ESR1: variants seen among roughly 807,000 people sequenced by gnomAD.
ESR1 encodes the protein estrogen receptor 1, also known as estrogen receptor.
In ESR1, 12 loss-of-function variants were observed where a neutral mutation model predicts 52.7. The ratio of observed to expected loss-of-function variants is 0.23; its 90% CI spans 0.15 to 0.37. The LOEUF (loss-of-function observed/expected upper bound fraction) is 0.37. ESR1 is among the 10% of genes least tolerant of loss of function. The probability of loss-of-function intolerance (pLI) is 1.00; values close to 1 mark genes in which losing one functional copy is unlikely to be tolerated. For synonymous variants in ESR1, 305 were observed against 316.8 expected (o/e 0.96, Z 0.39); for missense variants, 584 against 779.7 (o/e 0.75, Z 2.99).
chr6:152,040,247 G>A (rs2128893520), intron 5 of ESR1, among the ~76,000 whole-genome samples: 1 of 152,282 alleles, frequency 6.6e-6, no homozygotes, highest in East Asian at 1.9e-4. Context: ...CTGAGCCCGT[G>A]CGTAACCTCC....
chr6:151,886,997 C>A (rs1279174700), intron 3 of ESR1, among the ~76,000 whole-genome samples: 1 of 149,540 alleles, frequency 6.7e-6, no homozygotes, highest in Non-Finnish European at 1.5e-5. Context: ...GCCAAAATCA[C>A]ACCACTGCAC....
At chr6:151,872,306 TC>T (rs981144845) in intron 2 of ESR1, among the ~76,000 whole-genome samples, 6 of 152,186 alleles carry the variant, frequency 3.9e-5, no homozygotes, top group African/African-American at 1.4e-4. Flanking sequence ...CCAATTCAGA[TC>T]TTTTTTTTGA....
chr6:151,693,720 C>T (rs1444579321), intron 1 of ESR1, among the ~76,000 whole-genome samples: 1 of 152,170 alleles, frequency 6.6e-6, no homozygotes, highest in African/African-American at 2.4e-5. Flanking sequence ...CAGGTTCAAG[C>T]AATTCTCCTG....
intron 5 of ESR1, among the ~76,000 whole-genome samples, chr6:152,060,390 A>G (rs1360072123): frequency 2.0e-5 from 3 of 152,090 alleles, no homozygotes; most frequent in Admixed American, 2.0e-4. Flanking sequence ...AGGCATTCAC[A>G]TCTCTGCTTG....
chr6:152,122,161 A>G, intron 6 of ESR1: 1 of 469,166 alleles, frequency 2.1e-6, no homozygotes, highest in Non-Finnish European at 3.9e-6. Context: ...AGTCCGGGGA[A>G]CTTTGGAGGT....
chr6:152,076,728 T>C (rs2048764517), intron 6 of ESR1, among the ~76,000 whole-genome samples: 1 of 152,170 alleles, frequency 6.6e-6, no homozygotes, highest in African/African-American at 2.4e-5. Flanking sequence ...TTGTTATATC[T>C]TAGCAAAGAG....
intron 1 of ESR1, among the ~76,000 whole-genome samples, chr6:151,813,706 A>G (rs748842021): frequency 1.3e-5 from 2 of 152,212 alleles, no homozygotes; most frequent in Non-Finnish European, 2.9e-5. Context: ...TGTTCTTATA[A>G]TATCTACTTT....
intron 6 of ESR1, among the ~76,000 whole-genome samples, chr6:152,093,205 G>A (rs2050327327): frequency 6.6e-6 from 1 of 151,904 alleles, no homozygotes; most frequent in Non-Finnish European, 1.5e-5. Context: ...AAACCTGGGA[G>A]GCAGAGGTTG....
intron 3 of ESR1, among the ~76,000 whole-genome samples, chr6:151,883,910 C>T (rs866816394): frequency 6.6e-6 from 1 of 152,276 alleles, no homozygotes; most frequent in South Asian, 2.1e-4. Context: ...ATTAGGGCCC[C>T]ACACACAGGA....
intron 3 of ESR1, among the ~76,000 whole-genome samples, chr6:151,911,698 T>A (rs1272604304): frequency 6.6e-6 from 1 of 152,224 alleles, no homozygotes; most frequent in East Asian, 1.9e-4. Context: ...CCTTACTTAG[T>A]TTCTTTATAG....
chr6:151,819,608 A>T (rs1185521985), intron 1 of ESR1, among the ~76,000 whole-genome samples: 1 of 152,030 alleles, frequency 6.6e-6, no homozygotes, highest in Non-Finnish European at 1.5e-5. Flanking sequence ...GTGTCCCATC[A>T]CCCCCAGATG....
chr6:151,995,392 T>C (rs1261503230), intron 4 of ESR1, among the ~76,000 whole-genome samples: 2 of 152,012 alleles, frequency 1.3e-5, no homozygotes, highest in Admixed American at 1.3e-4. Context: ...CATCCATCCA[T>C]CCAAGATTTA....
intron 1 of ESR1, among the ~76,000 whole-genome samples, chr6:151,691,682 G>A (rs927178019): frequency 9.1e-5 from 13 of 143,102 alleles, no homozygotes; most frequent in African/African-American, 3.5e-4. Flanking sequence ...TTTGAATGTG[G>A]TATATACATA....
At chr6:151,941,481 T>C (rs903438491) in intron 3 of ESR1, among the ~76,000 whole-genome samples, 8 of 151,962 alleles carry the variant, frequency 5.3e-5, no homozygotes, top group African/African-American at 1.9e-4. Context: ...AATCTGAACC[T>C]AAAAAGATTC....
At chr6:151,821,094 T>G (rs1014407211) in intron 1 of ESR1, among the ~76,000 whole-genome samples, 18 of 152,056 alleles carry the variant, frequency 1.2e-4, no homozygotes, top group African/African-American at 4.3e-4. Context: ...TCCCCCAAAG[T>G]TTCCCAGCTG....
chr6:151,923,597 C>G (rs982607997), intron 3 of ESR1, among the ~76,000 whole-genome samples: 24 of 152,160 alleles, frequency 1.6e-4, no homozygotes, highest in Admixed American at 1.3e-3. Context: ...CTTTTTCAGA[C>G]TGGCTACTTT....
At chr6:151,810,392 C>T (rs1034571067) in intron 1 of ESR1, among the ~76,000 whole-genome samples, 7 of 152,110 alleles carry the variant, frequency 4.6e-5, no homozygotes, top group Non-Finnish European at 1.0e-4. Context: ...TAGAATTCTG[C>T]CTGTTATTAT....
exon 7 of ESR1, chr6:152,128,982 G>C (rs2054499768): frequency 6.6e-6 from 1 of 152,354 alleles, no homozygotes; most frequent in Non-Finnish European, 1.5e-5. Flanking sequence ...TTATGTTCCA[G>C]TCCCACCTGA....
At chr6:151,668,139 AG>A (rs1448159362) in intron 1 of ESR1, among the ~76,000 whole-genome samples, 1 of 152,184 alleles carries the variant, frequency 6.6e-6, no homozygotes, top group Non-Finnish European at 1.5e-5. Context: ...TCTGGTGACT[AG>A]GAAGTCCAAG....
Sources: allele counts gnomAD v4.1 joint callset (sites outside exome capture counted in the v4.1 genomes callset), GRCh38; gene constraint gnomAD v4.1.1; transcripts MANE v1.5; gene names NCBI Gene and HGNC (gene_info 2026-07-23, HGNC 2026-07-21).